Variants in NRG1 observed in about 807,000 individuals in gnomAD.
The protein encoded by NRG1 is pro-neuregulin-1, membrane-bound isoform.
NRG1 carries 18 observed loss-of-function variants against 63.8 expected under a neutral mutation model. The observed-to-expected ratio is 0.28, with a 90% confidence interval of 0.19 to 0.42. The LOEUF is 0.42. Among genes scored for constraint, NRG1 ranks in the 10% least tolerant of loss-of-function variants. The pLI, the probability that NRG1 is intolerant of heterozygous loss-of-function variation, is 1.00. For synonymous variants in NRG1, 302 were observed against 301.3 expected, an observed-to-expected ratio of 1.00 and a Z score of -0.02; for missense variants, 762 against 814.7, an observed-to-expected ratio of 0.94 and a Z score of 0.79.
intron 1 of NRG1, among the ~76,000 whole-genome samples, chr8:31,894,300 A>G (rs1238876959): frequency 6.6e-6 from 1 of 152,168 alleles, no homozygotes; most frequent in African/African-American, 2.4e-5. Flanking sequence ...ATAACGGTGA[A>G]AGTCAAATAT....
intron 1 of NRG1, among the ~76,000 whole-genome samples, chr8:32,145,837 C>G (rs1312194571): frequency 6.6e-6 from 1 of 152,192 alleles, no homozygotes; most frequent in East Asian, 1.9e-4. Context: ...CACTACTTCT[C>G]TGCAGGCTTT....
At chr8:32,117,436 G>A (rs1832882023) in intron 1 of NRG1, among the ~76,000 whole-genome samples, 1 of 152,012 alleles carries the variant, frequency 6.6e-6, no homozygotes, top group South Asian at 2.1e-4. Flanking sequence ...AGCTTAGAAT[G>A]GTTTGGATAG....
chr8:32,483,819 A>G (rs1172747963), intron 1 of NRG1, among the ~76,000 whole-genome samples: 1 of 152,134 alleles, frequency 6.6e-6, no homozygotes, highest in Admixed American at 6.5e-5. Flanking sequence ...GTTTGGGCAG[A>G]AGTGGCCAGG....
chr8:32,371,992 A>ATT (rs60780562), intron 1 of NRG1, among the ~76,000 whole-genome samples: 25,881 of 129,246 alleles, frequency 0.2, 3,028 homozygotes, highest in African/African-American at 0.29. Flanking sequence ...CTTCTTCTTC[A>ATT]TTTTTTTTTT....
chr8:32,385,230 G>A (rs1810856410), intron 1 of NRG1, among the ~76,000 whole-genome samples: 1 of 151,844 alleles, frequency 6.6e-6, no homozygotes, highest in African/African-American at 2.4e-5. Flanking sequence ...GTTTCACCAT[G>A]TTAGCCAGGA....
intron 1 of NRG1, among the ~76,000 whole-genome samples, chr8:31,745,074 T>A (rs1815710808): frequency 6.6e-6 from 1 of 151,984 alleles, no homozygotes; most frequent in Admixed American, 6.6e-5. Context: ...TTAATGCTTG[T>A]CAGAATTTTC....
At chr8:31,642,083 G>A (rs1284517707) in intron 1 of NRG1, among the ~76,000 whole-genome samples, 1 of 152,176 alleles carries the variant, frequency 6.6e-6, no homozygotes, top group African/African-American at 2.4e-5. Flanking sequence ...TCAGAGAGTG[G>A]TGCTGAAGAA....
chr8:31,915,743 G>T (rs1833329539), intron 1 of NRG1, among the ~76,000 whole-genome samples: 2 of 152,114 alleles, frequency 1.3e-5, no homozygotes, highest in South Asian at 2.1e-4. Flanking sequence ...ATGATGGATA[G>T]AGTAGGTTAT....
chr8:31,949,854 C>T (rs1803199853), intron 1 of NRG1, among the ~76,000 whole-genome samples: 1 of 152,210 alleles, frequency 6.6e-6, no homozygotes, highest in Admixed American at 6.5e-5. Flanking sequence ...TGTTTTCCAT[C>T]TGCAAATTTG....
chr8:32,134,682 C>T (rs1218721579), intron 1 of NRG1, among the ~76,000 whole-genome samples: 1 of 152,076 alleles, frequency 6.6e-6, no homozygotes, highest in African/African-American at 2.4e-5. Context: ...TTCACACATG[C>T]AAGATATACC....
At chr8:32,169,664 GC>G (rs1426956229) in intron 1 of NRG1, among the ~76,000 whole-genome samples, 1 of 152,134 alleles carries the variant, frequency 6.6e-6, no homozygotes, top group Non-Finnish European at 1.5e-5. Context: ...CTAACTAAAA[GC>G]CCACTTTCTG....
At position 32,222,590 on chromosome 8, in the gene NRG1, A is replaced by G. The variant is rs16878984; in HGVS notation, c.38-373238A>G. Among the ~76,000 whole-genome samples the G allele has an allele frequency of 7.0e-3, 1,072 of 152,288 alleles. 17 individuals carry two copies. The highest frequency in any genetic ancestry group is 0.025 in the African/African-American group (1,025 of 41,534). On this transcript the variant is annotated intron_variant, in intron 1 of 10. Coordinates refer to the NRG1 transcript ENST00000519301. ...ACCCAGGGCAAGTCTATCTTCTTCA[A>G]AGACATTCAGTCAGCCCACAGCTTT...
At chr8:32,084,223 G>A (rs1827901598) in intron 1 of NRG1, among the ~76,000 whole-genome samples, 2 of 152,118 alleles carry the variant, frequency 1.3e-5, no homozygotes, top group Non-Finnish European at 1.5e-5. Context: ...TAGTTCCATC[G>A]TCCTTATTAA....
intron 1 of NRG1, among the ~76,000 whole-genome samples, chr8:32,575,806 A>G (rs1563684849): frequency 2.0e-5 from 3 of 152,138 alleles, no homozygotes; most frequent in Admixed American, 1.3e-4. Context: ...TATTTTTTAG[A>G]TCTGGTCATT....
chr8:32,584,625 C>T (rs561278802), intron 1 of NRG1, among the ~76,000 whole-genome samples: 4 of 152,198 alleles, frequency 2.6e-5, no homozygotes, highest in African/African-American at 9.6e-5. Context: ...ATCAGAAAGC[C>T]ATAATTACTA....
At chr8:31,762,017 A>AT (rs1817613864) in intron 1 of NRG1, among the ~76,000 whole-genome samples, 1 of 152,154 alleles carries the variant, frequency 6.6e-6, no homozygotes, top group Non-Finnish European at 1.5e-5. Flanking sequence ...GTCTTTGACA[A>AT]TTTTTTTGTA....
chr8:32,525,206 G>T (rs1447696082), intron 1 of NRG1, among the ~76,000 whole-genome samples: 2 of 152,182 alleles, frequency 1.3e-5, no homozygotes, highest in Admixed American at 1.3e-4. Context: ...AAGCTAAGGA[G>T]TCCGGTGCCC....
At chr8:32,173,551 G>A (rs536284789) in intron 1 of NRG1, among the ~76,000 whole-genome samples, 175 of 152,236 alleles carry the variant, frequency 1.1e-3, no homozygotes, top group African/African-American at 4.0e-3. Flanking sequence ...CTGGCAGATT[G>A]GATAAAGAGT....
intron 1 of NRG1, among the ~76,000 whole-genome samples, chr8:31,789,507 C>T (rs1012738659): frequency 2.2e-4 from 33 of 151,944 alleles, no homozygotes; most frequent in African/African-American, 7.0e-4. Flanking sequence ...AGCTGTCACA[C>T]GTGGAGGATA....
Sources: gnomAD v4.1 joint callset for allele counts (sites outside exome capture counted in the v4.1 genomes callset) on GRCh38, gnomAD v4.1.1 for gene constraint, MANE v1.5 for transcripts, NCBI Gene and HGNC (gene_info 2026-07-23, HGNC 2026-07-21) for gene names.